Variants in NTRK3 observed in about 807,000 individuals in gnomAD.
The protein encoded by NTRK3 is NT-3 growth factor receptor.
NTRK3 carries 24 observed loss-of-function variants against 91.7 expected under a neutral mutation model. The ratio of observed to expected loss-of-function variants is 0.26; its 90% CI spans 0.19 to 0.37. The LOEUF (loss-of-function observed/expected upper bound fraction) is 0.37. Ranked by LOEUF, NTRK3 falls within the 10% of genes least tolerant of loss-of-function variation. The pLI, the probability that NTRK3 is intolerant of heterozygous loss-of-function variation, is 1.00. For missense variants in NTRK3, 880 were observed against 1,068.9 expected, an observed-to-expected ratio of 0.82 and a Z score of 2.46; for synonymous variants, 483 against 404.0, an observed-to-expected ratio of 1.20 and a Z score of -2.34.
intron 3 of NTRK3, among the ~76,000 whole-genome samples, chr15:88,246,137 G>C (rs1323235332): frequency 6.6e-6 from 1 of 152,194 alleles, no homozygotes; most frequent in East Asian, 1.9e-4. Context: ...AACCTTGTTA[G>C]TAGGAGGACA....
Position 88,255,850 on chromosome 15 carries a change from A to G in NTRK3, c.248+56T>C, listed in dbSNP as rs2054003057. Reference sequence around the variant, plus strand: ...GGCCGGCTCCCGGCCGCGGGTGGGCAGGAGGGAGACGCAGAGCGCGGGGGA... The same window carrying G: ...GGCCGGCTCCCGGCCGCGGGTGGGCGGGAGGGAGACGCAGAGCGCGGGGGA... On this transcript the variant is annotated intron_variant, in intron 3 of 18. Coordinates refer to ENST00000394480, the Ensembl canonical transcript of NTRK3. This position sits in a 1 kb window ranked among gnomAD's most constrained non-coding sequence, Gnocchi z 4.3. 2 of 1,508,942 alleles carry G rather than the reference A, an allele frequency of 1.3e-6. No homozygotes were observed. Among genetic ancestry groups the G allele is most frequent in the Middle Eastern group, 2.1e-4 (1 of 4,696 alleles). 93.5% of individuals were successfully genotyped at this position (1,508,942 alleles called of 1,614,324 possible).
chr15:88,026,373 G>C (rs1419785605), intron 14 of NTRK3, among the ~76,000 whole-genome samples: 2 of 152,180 alleles, frequency 1.3e-5, no homozygotes, highest in East Asian at 1.9e-4. Context: ...CTAAGTGAAA[G>C]AAGCCAATCT....
At chr15:88,056,196 ATATATAT>A (rs1402220597) in intron 13 of NTRK3, among the ~76,000 whole-genome samples, 1,583 of 100,440 alleles carry the variant, frequency 0.016, 31 homozygotes, top group African/African-American at 0.049. Flanking sequence ...ATATATATAT[ATATATAT>A]TTTTTTTTTA....
chr15:88,229,703 A>T (rs903090107), intron 3 of NTRK3, among the ~76,000 whole-genome samples: 4 of 152,324 alleles, frequency 2.6e-5, no homozygotes, highest in Non-Finnish European at 5.9e-5. Context: ...AGGTGGGTGC[A>T]GCCTCCCTCA....
chr15:87,946,845 T>C (rs1209225983), intron 14 of NTRK3, among the ~76,000 whole-genome samples: 2 of 151,234 alleles, frequency 1.3e-5, no homozygotes, highest in African/African-American at 4.9e-5. Flanking sequence ...GAGCACATGA[T>C]ACCTTTACAG....
intron 14 of NTRK3, among the ~76,000 whole-genome samples, chr15:88,015,681 A>G (rs536485464): frequency 6.6e-6 from 1 of 152,038 alleles, no homozygotes. Context: ...GGACTCCCTC[A>G]TGCGGGGATG....
intron 3 of NTRK3, chr15:88,252,535 T>C (rs1305735182): frequency 2.0e-5 from 3 of 152,434 alleles, no homozygotes; most frequent in East Asian, 3.9e-4. Context: ...GGTCCAGCCA[T>C]GCCATCCTCT....
chr15:88,082,618 C>T (rs373688770), intron 13 of NTRK3, among the ~76,000 whole-genome samples: 1 of 152,188 alleles, frequency 6.6e-6, no homozygotes, highest in African/African-American at 2.4e-5. Flanking sequence ...CATGTTCTCT[C>T]TTATGTCTGG....
intron 14 of NTRK3, among the ~76,000 whole-genome samples, chr15:87,989,370 G>T (rs1178764103): frequency 6.6e-6 from 1 of 152,128 alleles, no homozygotes; most frequent in African/African-American, 2.4e-5. Context: ...GGATGAAGCT[G>T]GAAACCATCA....
At chr15:87,887,395 C>T (rs1298638564) in intron 17 of NTRK3, among the ~76,000 whole-genome samples, 12 of 152,192 alleles carry the variant, frequency 7.9e-5, no homozygotes, top group Admixed American at 7.9e-4. Context: ...AAGCACTTAA[C>T]ACCCTGTGCA....
intron 3 of NTRK3, among the ~76,000 whole-genome samples, chr15:88,226,441 C>T (rs1303965583): frequency 6.6e-6 from 1 of 152,248 alleles, no homozygotes; most frequent in African/African-American, 2.4e-5. Flanking sequence ...AGGCCAGGCA[C>T]TGAAGGGCAG....
At chr15:88,170,241 G>C (rs1387171764) in intron 5 of NTRK3, among the ~76,000 whole-genome samples, 1 of 152,206 alleles carries the variant, frequency 6.6e-6, no homozygotes, top group African/African-American at 2.4e-5. Context: ...TCAAGGGCAG[G>C]GGGAATGCTT....
chr15:87,980,940 T>G (rs2074204862), intron 14 of NTRK3, among the ~76,000 whole-genome samples: 2 of 152,160 alleles, frequency 1.3e-5, no homozygotes, highest in African/African-American at 4.8e-5. Flanking sequence ...GCCATTGGTC[T>G]GGGTAGCCTG....
At chr15:87,947,405 A>G (rs1300759360) in intron 14 of NTRK3, among the ~76,000 whole-genome samples, 2 of 152,166 alleles carry the variant, frequency 1.3e-5, no homozygotes, top group Non-Finnish European at 2.9e-5. Context: ...TGCTTTCTGC[A>G]CTGGCATCAG....
intron 14 of NTRK3, among the ~76,000 whole-genome samples, chr15:87,990,111 C>G (rs2075171316): frequency 6.6e-6 from 1 of 152,086 alleles, no homozygotes; most frequent in Non-Finnish European, 1.5e-5. Flanking sequence ...AAGGGTAATA[C>G]TGAGGGTAGA....
intron 14 of NTRK3, among the ~76,000 whole-genome samples, chr15:88,006,598 C>G (rs1456906305): frequency 5.9e-5 from 9 of 152,158 alleles, no homozygotes. Flanking sequence ...AAGAGATGAA[C>G]CAAAAAGCCC....
At chr15:87,881,737 G>A (rs1206307992) in intron 17 of NTRK3, among the ~76,000 whole-genome samples, 1 of 151,852 alleles carries the variant, frequency 6.6e-6, no homozygotes, top group Non-Finnish European at 1.5e-5. Flanking sequence ...TTATTTCTAT[G>A]GGGGGTCAGT....
intron 13 of NTRK3, among the ~76,000 whole-genome samples, chr15:88,078,150 C>G (rs74558686): frequency 0.025 from 3,741 of 150,658 alleles, 155 homozygotes; most frequent in African/African-American, 0.088. Flanking sequence ...AGATGGGTCT[C>G]TTGACATCTC....
At chr15:88,012,375 C>G (rs933764155) in intron 14 of NTRK3, among the ~76,000 whole-genome samples, 1 of 152,188 alleles carries the variant, frequency 6.6e-6, no homozygotes, top group Non-Finnish European at 1.5e-5. Context: ...AACATTCCCC[C>G]AGCCATGGCT....
Sources: gnomAD v4.1 joint callset for allele counts (sites outside exome capture counted in the v4.1 genomes callset) on GRCh38, gnomAD v4.1.1 for gene constraint, Gnocchi (gnomAD v3.1) non-coding constraint, MANE v1.5 for transcripts, NCBI Gene and HGNC (gene_info 2026-07-23, HGNC 2026-07-21) for gene names.